Variants in KNL1 observed in about 807,000 individuals in gnomAD.
The protein encoded by KNL1 is kinetochore scaffold 1.
In KNL1, 66 loss-of-function variants were observed where a neutral mutation model predicts 201.3. That is an observed-to-expected ratio of 0.33 (90% CI 0.27 to 0.40). KNL1 has a LOEUF of 0.40. KNL1 is among the 10% of genes least tolerant of loss of function. KNL1 has a pLI of 1.00. For missense variants in KNL1, 2,815 were observed against 2,690.5 expected (o/e 1.05, Z -1.02); for synonymous variants, 895 against 899.2 (o/e 1.00, Z 0.08).
rs1265921439 is a variant in KNL1 at position 40,623,091 on chromosome 15, G to A, written c.2827G>A (p.Val943Ile). 1 of 1,613,742 alleles carries A rather than the reference G, an allele frequency of 6.2e-7. No homozygotes were observed. The highest frequency in any genetic ancestry group is 1.7e-5 in the Admixed American group (1 of 59,990). Residue 943 changes from valine to isoleucine, a missense_variant, in exon 10 of 26, where the codon GTA (valine) becomes ATA (isoleucine). Around this residue, in one of 3 missense-constraint regions of KNL1, gnomAD observed 2,464 missense variants for 2,291.7 expected, o/e 1.08. Coordinates refer to ENST00000399668, the MANE Select transcript of KNL1 (RefSeq NM_144508.5). ...EITTRPMDKT[V>I]VFVDNHVELE... ...AACTACTAGGCCTATGGACAAAACT[G>A]TAGTGTTTGTAGATAATCATGTTGA...
chr15:40,620,557 A>AT lies in KNL1; in HGVS notation c.376-77dup, dbSNP rs1182713883. 3.0e-5 allele frequency: 24 copies of AT among 808,364 alleles called. No individual in the cohort carries two copies. In the African/African-American group the frequency reaches 3.8e-4, roughly 13 times the overall value. The allele number at this position is 808,364 out of a possible 1,614,324, so 50.1% of individuals were successfully genotyped here. A position where few individuals can be genotyped will look rare whatever the true frequency, so the allele number is the denominator to read the frequency against. On this transcript the variant is annotated intron_variant, in intron 9 of 25. Transcript: ENST00000399668. ...ACGTGTTATGAAACCATCACTGAGGATTTTTTATATAATACATGTTGTAAA... is the reference window on the plus strand; with the variant it reads ...ACGTGTTATGAAACCATCACTGAGGATTTTTTTATATAATACATGTTGTAAA...
chr15:40,645,800 A>G (rs1893366378), intron 16 of KNL1, 28 bp downstream of exon 16: 3 of 1,120,002 alleles, frequency 2.7e-6, no homozygotes, highest in African/African-American at 2.0e-5. Context: ...ATATCATAGA[A>G]AGAGAGAGAT....
At chr15:40,658,502 T>A (rs890871801) in intron 24 of KNL1, among the ~76,000 whole-genome samples, 1 of 111,406 alleles carries the variant, frequency 9.0e-6, no homozygotes, top group African/African-American at 3.6e-5. Context: ...GCACTCAGCC[T>A]GGGTGACAGA....
chr15:40,625,023 CT>C lies in KNL1; in HGVS notation c.4761del (p.Glu1588AsnfsTer2), dbSNP rs753434987. The C allele has an allele frequency of 1.2e-6, 2 of 1,613,878 alleles. No individual in the cohort carries two copies. ...VHLPPLPEQL[L>X]ELGNKAHNDM... is the part of the protein sequence containing the mutation. ...TCTACCACCCCTTCCAGAGCAATTA[CT>C]TGAATTAGGAAATAAGGCACACAAT... On this transcript the variant is annotated frameshift_variant, in exon 10 of 26. Transcript: ENST00000399668. LOFTEE classifies it high-confidence loss of function.
chr15:40,625,005 C>T lies in KNL1; in HGVS notation c.4741C>T (p.Pro1581Ser), dbSNP rs189114330. 1.4e-5 allele frequency: 22 copies of T among 1,613,972 alleles called. No homozygotes were observed. In the African/African-American group the frequency reaches 2.8e-4, roughly 21 times the overall value. ...FLAFQTVHLP[P>S]LPEQLLELGN... ...AGCCTTTCAAACTGTTCATCTACCA[C>T]CCCTTCCAGAGCAATTACTTGAATT... Residue 1581 changes from proline (P) to serine (S), a missense_variant, in exon 10 of 26, where the codon CCC becomes TCC. This residue lies in a region of KNL1 where 2,464 missense variants were observed against 2,291.7 expected (regional missense o/e 1.08). Transcript: ENST00000399668.
chr15:40,599,441 T>C (rs993833696), intron 1 of KNL1, among the ~76,000 whole-genome samples: 6 of 149,294 alleles, frequency 4.0e-5, no homozygotes, highest in Admixed American at 2.0e-4. Context: ...TGGAGTGCAG[T>C]GGTTTGATCT....
chr15:40,610,726 G>A, intron 6 of KNL1: 4 of 456,000 alleles, frequency 8.8e-6, no homozygotes, highest in South Asian at 6.2e-5. Flanking sequence ...CTTGGGAGTA[G>A]AGAGTAGAGT....
intron 2 of KNL1, among the ~76,000 whole-genome samples, chr15:40,603,631 G>A (rs1179859773): frequency 1.3e-5 from 2 of 152,154 alleles, no homozygotes; most frequent in African/African-American, 4.8e-5. Context: ...TAAATGGAGG[G>A]CTCTTGGCTT....
At chr15:40,605,713 G>A (rs1891949747) in intron 3 of KNL1, among the ~76,000 whole-genome samples, 1 of 152,170 alleles carries the variant, frequency 6.6e-6, no homozygotes, top group Non-Finnish European at 1.5e-5. Context: ...GCCTCCCAAA[G>A]CGCTGAGATT....
At chr15:40,632,568 C>A (rs1892941891) in intron 13 of KNL1, among the ~76,000 whole-genome samples, 1 of 151,968 alleles carries the variant, frequency 6.6e-6, no homozygotes, top group South Asian at 2.1e-4. Flanking sequence ...TACCACTGCA[C>A]TCCAGCCTTG....
At chr15:40,657,598 T>C (rs1893772464) in intron 24 of KNL1, 125 bp downstream of exon 24, 6 of 610,750 alleles carry the variant, frequency 9.8e-6, no homozygotes, top group Non-Finnish European at 1.8e-5. Context: ...TGAGGGCTGT[T>C]AGAATCTGTC....
At chr15:40,627,904 CTAAT>C (rs1363793953) in intron 10 of KNL1, among the ~76,000 whole-genome samples, 162 bp from the exon 11 acceptor site, 2 of 152,124 alleles carry the variant, frequency 1.3e-5, no homozygotes, top group Admixed American at 6.5e-5. Context: ...ACTTTTAACT[CTAAT>C]TAAAGGCTTA....
In KNL1 at chr15:40,652,071, G is replaced by T; in HGVS notation, c.6381G>T (p.Thr2127=). The T allele has an allele frequency of 6.2e-7, 1 of 1,613,568 alleles. No individual in the cohort carries two copies. Among genetic ancestry groups the T allele is most frequent in the Middle Eastern group, 1.7e-4 (1 of 6,060 alleles). Residue 2127 remains threonine, a synonymous_variant, in exon 21 of 26, where the codon ACG becomes ACT. Transcript: ENST00000399668. ...CTGTATTCACCTTTGTTTATGACAC[G>T]ATACAACTCACCATCACCTTTGAAG... ...DQAVFTFVYD[T]IQLTITFEES...
At chr15:40,638,178 A>ACT (rs1893113660) in intron 13 of KNL1, among the ~76,000 whole-genome samples, 1 of 145,906 alleles carries the variant, frequency 6.9e-6, no homozygotes, top group Non-Finnish European at 1.5e-5. Context: ...ACAGAGTGAG[A>ACT]CTCTATCTCA....
Position 40,622,801 on chromosome 15 carries a change from A to G in KNL1, c.2537A>G (p.Lys846Arg). The G allele has an allele frequency of 6.2e-7, 1 of 1,612,974 alleles. No homozygotes were observed. Among genetic ancestry groups the G allele is most frequent in the Admixed American group, 1.7e-5 (1 of 59,702 alleles). The stretch of plus-strand genomic sequence containing the variant: ...TTTCCAAAGGAAAAGCAAAATGTCA[A>G]AATTTGGGGAAGGAAAAGTGTTGGT... Reference protein sequence around the residue: ...PKFPKEKQNVKIWGRKSVGGP... With the variant: ...PKFPKEKQNVRIWGRKSVGGP... The change falls in exon 10 of 26, where the codon AAA (lysine) becomes AGA (arginine). Residue 846 changes from lysine to arginine, a missense_variant. Physicochemically the swap from Lys to Arg is conservative, Grantham distance 26. This residue lies in a region of KNL1 where 2,464 missense variants were observed against 2,291.7 expected (regional missense o/e 1.08). Coordinates refer to ENST00000399668, the MANE Select transcript of KNL1 (RefSeq NM_144508.5).
At chr15:40,612,272 TG>T (rs1367009326) in intron 7 of KNL1, among the ~76,000 whole-genome samples, 1 of 151,914 alleles carries the variant, frequency 6.6e-6, no homozygotes, top group Non-Finnish European at 1.5e-5. Flanking sequence ...GCCGAGATCA[TG>T]CCACTGCACT....
rs1186633190 is a variant in KNL1, at chr15:40,623,964, T to C, written c.3700T>C (p.Phe1234Leu). ...TCACACCGAGCAAAAGCAACAACTC[T>C]TTGCTGCTACTAATAGAACTACTAA... is the stretch of plus-strand genomic sequence containing the variant. ...VLHTEQKQQL[F>L]AATNRTTNEI... The change falls in exon 10 of 26, where the codon TTT (phenylalanine) becomes CTT (leucine). Residue 1234 changes from phenylalanine to leucine, a missense_variant. Phe to Leu is a conservative substitution (Grantham distance 22). This residue lies in a region of KNL1 where 2,464 missense variants were observed against 2,291.7 expected (regional missense o/e 1.08). Coordinates refer to ENST00000399668, the MANE Select transcript of KNL1 (RefSeq NM_144508.5). 1.2e-6 allele frequency: 2 copies of C among 1,613,674 alleles called. No individual in the cohort carries two copies. The highest frequency in any genetic ancestry group is 8.5e-7 in the Non-Finnish European group (1 of 1,179,890).
chr15:40,615,680 G>A (rs369191429), intron 8 of KNL1: 39 of 158,732 alleles, frequency 2.5e-4, no homozygotes, highest in African/African-American at 7.5e-4. Flanking sequence ...CAGGGGAATC[G>A]CTTGAACCCA....
intron 8 of KNL1, among the ~76,000 whole-genome samples, chr15:40,618,460 T>C (rs763641303): frequency 2.6e-5 from 4 of 152,082 alleles, no homozygotes; most frequent in Non-Finnish European, 4.4e-5. Flanking sequence ...TTCAGTCTCA[T>C]CATTTGATAC....
Sources: gnomAD v4.1 joint callset for allele counts (sites outside exome capture counted in the v4.1 genomes callset) on GRCh38, gnomAD v4.1.1 for gene constraint, gnomAD v4.1.1 regional missense constraint, MANE v1.5 for transcripts, NCBI Gene and HGNC (gene_info 2026-07-23, HGNC 2026-07-21) for gene names.